SNED1: variants seen among roughly 807,000 people sequenced by gnomAD.
SNED1 encodes the protein sushi, nidogen and EGF-like domain-containing protein 1.
In SNED1, 81 loss-of-function variants were observed where a neutral mutation model predicts 166.7. That is an observed-to-expected ratio of 0.49 (90% CI 0.41 to 0.58). The LOEUF (loss-of-function observed/expected upper bound fraction) is 0.58, where lower values mean the gene tolerates loss of function less well. Among genes scored for constraint, SNED1 ranks in the 20% least tolerant of loss-of-function variants. SNED1 has a pLI of 0.00. For missense variants in SNED1, 1,604 were observed against 2,000.2 expected (o/e 0.80, Z 3.78); for synonymous variants, 762 against 822.0 (o/e 0.93, Z 1.25).
intron 2 of SNED1, 69 bp from the exon 3 acceptor site, chr2:241,033,663 ATGG>A: frequency 1.3e-6 from 2 of 1,494,590 alleles, no homozygotes; most frequent in African/African-American, 2.8e-5. Flanking sequence ...GTGCACCAGG[ATGG>A]TGGACAGGGC....
At chr2:241,087,564 C>A in intron 30 of SNED1, 89 bp downstream of exon 30, 1 of 1,489,822 alleles carries the variant, frequency 6.7e-7, no homozygotes, top group Non-Finnish European at 8.9e-7. Context: ...ATGCTGCAGG[C>A]CTGTGGGCTG....
In SNED1 at chr2:241,064,997, G is replaced by C; in HGVS notation, c.2713+40G>C. ...CGCCTCCAGTGAGGGAGCCACGAGG[G>C]GGTCCCCTCTCCCTAGAGGGCCCAA... On this transcript the variant is annotated intron_variant, in intron 20 of 31. Coordinates refer to ENST00000310397, the MANE Select transcript of SNED1 (RefSeq NM_001080437.3). This position sits in a 1 kb window ranked among gnomAD's most constrained non-coding sequence, Gnocchi z 7.0. 1 of 1,468,620 alleles carries C rather than the reference G, an allele frequency of 6.8e-7. No homozygotes were observed. The highest frequency in any genetic ancestry group is 2.3e-5 in the Admixed American group (1 of 43,832). 91.0% of individuals were successfully genotyped at this position (1,468,620 alleles called of 1,614,324 possible). A position where few individuals can be genotyped will look rare whatever the true frequency, so the allele number is the denominator to read the frequency against.
intron 28 of SNED1, 85 bp from the exon 29 acceptor site, chr2:241,082,192 C>A: frequency 1.8e-6 from 2 of 1,093,954 alleles, no homozygotes; most frequent in Non-Finnish European, 2.7e-6. Flanking sequence ...GACCCCCGGG[C>A]CCTCTCCCTT....
chr2:241,042,279 G>A (rs761150255), intron 8 of SNED1, among the ~76,000 whole-genome samples: 1 of 152,200 alleles, frequency 6.6e-6, no homozygotes, highest in Non-Finnish European at 1.5e-5. Flanking sequence ...AGCTCAAACA[G>A]GGCTGGGAGT....
intron 1 of SNED1, among the ~76,000 whole-genome samples, chr2:241,002,007 CACA>C (rs1175217312): frequency 6.6e-6 from 1 of 152,182 alleles, no homozygotes; most frequent in Admixed American, 6.5e-5. Flanking sequence ...TCTGGCTCTG[CACA>C]ACATTACCAT....
intron 8 of SNED1, among the ~76,000 whole-genome samples, chr2:241,047,907 G>A (rs967324027): frequency 2.7e-5 from 4 of 150,810 alleles, no homozygotes; most frequent in African/African-American, 4.9e-5. Flanking sequence ...TGGTCTCTCC[G>A]GTGCTTCTTG....
At chr2:241,012,142 C>T (rs1014109499) in intron 1 of SNED1, among the ~76,000 whole-genome samples, 2 of 152,028 alleles carry the variant, frequency 1.3e-5, no homozygotes, top group African/African-American at 2.4e-5. Context: ...ATGGGGGGTG[C>T]GGCGAGGGGC....
chr2:241,072,288 G>A (rs1032986528), intron 26 of SNED1: 9 of 456,768 alleles, frequency 2.0e-5, no homozygotes, highest in African/African-American at 5.9e-5. Context: ...CAAATCCTCC[G>A]CCACTGTCCT....
At chr2:241,036,363 C>T (rs1234687628) in intron 4 of SNED1, among the ~76,000 whole-genome samples, 1 of 152,050 alleles carries the variant, frequency 6.6e-6, no homozygotes, top group African/African-American at 2.4e-5. Flanking sequence ...CTCCTGCAGC[C>T]CCCAGCCACA....
At chr2:241,019,295 G>A (rs1438718298) in intron 1 of SNED1, among the ~76,000 whole-genome samples, 1 of 152,222 alleles carries the variant, frequency 6.6e-6, no homozygotes, top group Non-Finnish European at 1.5e-5. Flanking sequence ...CTGTGGATGG[G>A]AGGGATCCTG....
intron 29 of SNED1, 191 bp from the exon 30 acceptor site, chr2:241,087,201 T>C: frequency 1.7e-6 from 1 of 580,052 alleles, no homozygotes; most frequent in Non-Finnish European, 3.1e-6. Context: ...CCACAATAAA[T>C]TTATTACAAA....
At position 241,065,514 on chromosome 2, in the gene SNED1, A is replaced by G. The variant is rs141487484; in HGVS notation, c.2929A>G (p.Asn977Asp). ...GGCCCTGGCGGCCGGCAGGGCCTAC[A>G]ACATCTCCGTCTTCTCAGTGAAGCG... The part of the protein sequence containing the change: ...LQALAAGRAY[N>D]ISVFSVKRNS... The change falls in exon 21 of 32, where the codon AAC becomes GAC. Residue 977 changes from asparagine (N) to aspartate (D), a missense_variant. Coordinates refer to ENST00000310397, the MANE Select transcript of SNED1 (RefSeq NM_001080437.3). The G allele has an allele frequency of 4.3e-6, 7 of 1,612,824 alleles. No homozygotes were observed. The highest frequency in any genetic ancestry group is 1.3e-5 in the African/African-American group (1 of 74,932).
At chr2:241,004,132 AG>A (rs35649636) in intron 1 of SNED1, among the ~76,000 whole-genome samples, 2 of 152,248 alleles carry the variant, frequency 1.3e-5, no homozygotes, top group Non-Finnish European at 2.9e-5. Context: ...ACATCCCACC[AG>A]GGGAGCCATG....
chr2:241,053,262 C>A lies in SNED1; in HGVS notation c.2193C>A (p.Ser731Arg). 2 of 1,602,526 alleles carry A rather than the reference C, an allele frequency of 1.2e-6. No homozygotes were observed. Residue 731 changes from serine to arginine, a missense_variant, in exon 16 of 32, where the codon AGC becomes AGA. By Grantham distance (110) the Ser-to-Arg change is moderately radical. Coordinates refer to ENST00000310397, the MANE Select transcript of SNED1 (RefSeq NM_001080437.3). ...LYACDRGYSL[S>R]APSRIRVCQP... ...CATGTGACCGTGGCTACAGCCTGAG[C>A]GCCCCCAGCCGCATCCGGGTCTGCC...
In SNED1 at chr2:240,998,683, G is replaced by A. The variant is rs963404577; in HGVS notation, c.-155G>A. Among the ~76,000 whole-genome samples, 1 of 149,016 alleles carries A rather than the reference G, an allele frequency of 6.7e-6. No homozygotes were observed. The highest frequency in any genetic ancestry group is 1.5e-5 in the Non-Finnish European group (1 of 66,956). On this transcript the variant is annotated 5_prime_UTR_variant, in exon 1 of 32. Coordinates refer to ENST00000310397, the MANE Select transcript of SNED1 (RefSeq NM_001080437.3). ...GCTGCGGCGAGAGCGCGGCCCGGCCGAACGGGCGCGGGACGCGGAGCCCCC... is the reference window on the plus strand; with the variant it reads ...GCTGCGGCGAGAGCGCGGCCCGGCCAAACGGGCGCGGGACGCGGAGCCCCC...
Position 241,048,336 on chromosome 2 carries a change from C to A in SNED1, c.1295C>A (p.Ala432Asp). 6.2e-7 allele frequency: 1 copy of A among 1,609,182 alleles called. No homozygotes were observed. Among genetic ancestry groups the A allele is most frequent in the South Asian group, 1.1e-5 (1 of 89,992 alleles). Residue 432 changes from alanine to aspartate, a missense_variant, in exon 9 of 32, where the codon GCC (alanine) becomes GAC (aspartate). This residue lies in a region of SNED1 where 1,237 missense variants were observed against 1,620.8 expected (regional missense o/e 0.76). Transcript: ENST00000310397. ...CETGDHPVPDACLSAPCHNGG... is the reference protein window; with the variant it reads ...CETGDHPVPDDCLSAPCHNGG... The stretch of plus-strand genomic sequence containing the variant: ...GCAGGAGACCATCCAGTGCCAGACG[C>A]CTGCCTCTCGGCCCCTTGCCACAAT...
chr2:241,021,568 A>G (rs905811269), intron 1 of SNED1, among the ~76,000 whole-genome samples: 1 of 152,194 alleles, frequency 6.6e-6, no homozygotes, highest in African/African-American at 2.4e-5. Flanking sequence ...TCTTTCATTT[A>G]ACATAGTGTT....
chr2:241,015,534 A>G (rs1390886055), intron 1 of SNED1: 1 of 152,618 alleles, frequency 6.6e-6, no homozygotes, highest in East Asian at 1.9e-4. Context: ...CTACATCCAC[A>G]TTCAGTCACA....
chr2:241,039,938 T>C, intron 6 of SNED1, 137 bp from the exon 7 acceptor site: 1 of 688,724 alleles, frequency 1.5e-6, no homozygotes, highest in Non-Finnish European at 2.5e-6. Context: ...TGTCGCCCGC[T>C]CAGAAACCTG....
Sources: gnomAD v4.1 joint callset for allele counts (sites outside exome capture counted in the v4.1 genomes callset) on GRCh38, gnomAD v4.1.1 for gene constraint, gnomAD v4.1.1 regional missense constraint, Gnocchi (gnomAD v3.1) non-coding constraint, MANE v1.5 for transcripts, NCBI Gene and HGNC (gene_info 2026-07-23, HGNC 2026-07-21) for gene names.